PAX2: variants seen among roughly 807,000 people sequenced by gnomAD.
PAX2 encodes the protein paired box 2, also known as paired box protein Pax-2.
PAX2 carries 9 observed loss-of-function variants against 41.7 expected under a neutral mutation model. The ratio of observed to expected loss-of-function variants is 0.22; its 90% CI spans 0.13 to 0.38. The LOEUF (loss-of-function observed/expected upper bound fraction) is 0.38, where lower values mean the gene tolerates loss of function less well. Ranked by LOEUF, PAX2 falls within the 10% of genes least tolerant of loss-of-function variation. The pLI is 1.00. For synonymous variants in PAX2, 221 were observed against 212.7 expected (o/e 1.04, Z -0.34); for missense variants, 418 against 531.6 (o/e 0.79, Z 2.10).
intron 5 of PAX2, among the ~76,000 whole-genome samples, chr10:100,793,059 T>C (rs776257690): frequency 3.3e-5 from 5 of 152,204 alleles, no homozygotes; most frequent in Non-Finnish European, 5.9e-5. Flanking sequence ...GCCTTGCTTG[T>C]GTCCTTTGAG....
rs1848517305 is a variant in PAX2 at position 100,825,457 on chromosome 10, G to T, written c.1021+708G>T. 3.9e-5 allele frequency among the ~76,000 whole-genome samples: 6 copies of T among 152,322 alleles called. No homozygotes were observed. In the South Asian group the frequency reaches 1.0e-3, roughly 26 times the overall value. On this transcript the variant is annotated intron_variant, in intron 8 of 9. Coordinates refer to ENST00000355243, the MANE Select transcript of PAX2 (RefSeq NM_000278.5). ...ACAGAGGCTGTATTTAAGGTCTGGT[G>T]ACTGCAGCTGGAGGTTGTACTATAC...
rs968163973 is a variant in PAX2 at position 100,812,018 on chromosome 10, C to G, written c.919+2782C>G. ...ACTTGATGCAGCTATTCCACAAGGT[C>G]AGGACTGAGAGGAGAGAGGAACCTA... is the stretch of plus-strand genomic sequence containing the variant. On this transcript the variant is annotated intron_variant, in intron 7 of 9. Transcript: ENST00000355243. Among the ~76,000 whole-genome samples the G allele has an allele frequency of 2.0e-5, 3 of 152,220 alleles. No individual in the cohort carries two copies. In the East Asian group the frequency reaches 5.8e-4, roughly 29 times the overall value.
At chr10:100,780,029 T>C (rs1846549654) in intron 4 of PAX2, among the ~76,000 whole-genome samples, 1 of 152,132 alleles carries the variant, frequency 6.6e-6, no homozygotes, top group African/African-American at 2.4e-5. Context: ...CTTAACATTG[T>C]CCTCTGTCTT....
At position 100,746,036 on chromosome 10, in the gene PAX2, A is replaced by C; in HGVS notation, c.-225A>C. ...TGACCGCCCAGCCCCGAGCCCCGAC[A>C]GTGGCAAGTTGCGGCTACTGCAGTT... On this transcript the variant is annotated 5_prime_UTR_variant, in exon 1 of 10. Coordinates refer to ENST00000355243, the MANE Select transcript of PAX2 (RefSeq NM_000278.5). 3 of 1,434,610 alleles carry C rather than the reference A, an allele frequency of 2.1e-6. No individual in the cohort carries two copies. The highest frequency in any genetic ancestry group is 2.8e-5 in the Admixed American group (1 of 35,270). The allele number at this position is 1,434,610 out of a possible 1,614,324, so 88.9% of individuals were successfully genotyped here.
chr10:100,787,037 G>T (rs185978228), intron 5 of PAX2: 19 of 1,317,106 alleles, frequency 1.4e-5, no homozygotes, highest in Non-Finnish European at 2.0e-5. Context: ...GGAACATGGC[G>T]TGGGGGTCAA....
At chr10:100,781,450 C>G (rs1236476283) in intron 5 of PAX2, 85 bp downstream of exon 5, 1 of 1,408,608 alleles carries the variant, frequency 7.1e-7, no homozygotes, top group African/African-American at 1.4e-5. Flanking sequence ...GGCCTCGCAG[C>G]TGCTCTGCTG....
At position 100,748,887 on chromosome 10, in the gene PAX2, C is replaced by T; in HGVS notation, c.44-859C>T. 1.0e-6 allele frequency: 1 copy of T among 985,448 alleles called. No individual in the cohort carries two copies. Among genetic ancestry groups the T allele is most frequent in the South Asian group, 4.7e-5 (1 of 21,284 alleles). The allele number at this position is 985,448 out of a possible 1,614,324, so 61.0% of individuals were successfully genotyped here. A position where few individuals can be genotyped will look rare whatever the true frequency, so the allele number is the denominator to read the frequency against. The stretch of plus-strand genomic sequence containing the variant: ...TATTAACTCGCCAGCGAGGCCTATG[C>T]CGTGCCACCTGGGCGAGACGGTGGG... On this transcript the variant is annotated intron_variant, in intron 1 of 9. Transcript: ENST00000355243. This position sits in a 1 kb window ranked among gnomAD's most constrained non-coding sequence, Gnocchi z 5.0.
At chr10:100,761,412 T>C (rs1845841459) in intron 3 of PAX2, among the ~76,000 whole-genome samples, 1 of 152,096 alleles carries the variant, frequency 6.6e-6, no homozygotes, top group South Asian at 2.1e-4. Flanking sequence ...ATCAGGTCAC[T>C]CCTGGCCCCA....
chr10:100,775,424 C>T (rs1364353827), intron 3 of PAX2, among the ~76,000 whole-genome samples: 10 of 152,084 alleles, frequency 6.6e-5, no homozygotes, highest in Admixed American at 6.5e-4. Context: ...GAGATCAGCT[C>T]TAGGGACTGG....
rs995623191 is a variant in PAX2 at position 100,748,712 on chromosome 10, G to T, written c.44-1034G>T. 12 of 985,504 alleles carry T rather than the reference G, an allele frequency of 1.2e-5. No individual in the cohort carries two copies. The highest frequency in any genetic ancestry group is 1.4e-5 in the Non-Finnish European group (12 of 829,972). The allele number at this position is 985,504 out of a possible 1,614,324, so 61.0% of individuals were successfully genotyped here. The stretch of plus-strand genomic sequence containing the variant: ...CTCGGTTCCGAGATCGGGAGCCCGC[G>T]CTGGAGCCGGGTTGGAAACCCCGTG... On this transcript the variant is annotated intron_variant, in intron 1 of 9. Transcript: ENST00000355243. The surrounding 1 kb of genome is among the most constrained non-coding windows in gnomAD (Gnocchi z 5.0).
intron 6 of PAX2, among the ~76,000 whole-genome samples, chr10:100,808,602 C>T (rs1159105471): frequency 1.3e-5 from 2 of 152,070 alleles, no homozygotes; most frequent in African/African-American, 4.8e-5. Context: ...CAATTTCATA[C>T]CCCAGTGCAC....
Position 100,769,905 on chromosome 10 carries a change from G to A in PAX2, c.411-9593G>A, listed in dbSNP as rs535175117. Among the ~76,000 whole-genome samples, 121 of 152,270 alleles carry A rather than the reference G, an allele frequency of 7.9e-4. 1 individual carries two copies. Among genetic ancestry groups the A allele is most frequent in the African/African-American group, 2.7e-3 (114 of 41,546 alleles). On this transcript the variant is annotated intron_variant, in intron 3 of 9. Transcript: ENST00000355243. ...AAAACAAGGTTTCAGCTCTGTGTTA[G>A]ACCCTGAGAGGAAGAGGGAAACAGA...
At chr10:100,777,401 T>TA (rs1846435788) in intron 3 of PAX2, among the ~76,000 whole-genome samples, 1 of 148,032 alleles carries the variant, frequency 6.8e-6, no homozygotes, top group African/African-American at 2.5e-5. Flanking sequence ...ATCTGGCCTT[T>TA]TTTTTTTTTT....
intron 1 of PAX2, chr10:100,749,170 A>G: frequency 1.0e-6 from 1 of 985,980 alleles, no homozygotes; most frequent in Non-Finnish European, 1.2e-6. Context: ...AATTCCGATT[A>G]CAATTTAATA....
intron 5 of PAX2, among the ~76,000 whole-genome samples, chr10:100,803,920 G>C (rs1847661526): frequency 6.6e-6 from 1 of 152,204 alleles, no homozygotes; most frequent in African/African-American, 2.4e-5. Context: ...AGGTCAGTGA[G>C]TGGAGGGAGC....
At chr10:100,761,716 T>A in intron 3 of PAX2, among the ~76,000 whole-genome samples, 1 of 151,942 alleles carries the variant, frequency 6.6e-6, no homozygotes, top group East Asian at 1.9e-4. Flanking sequence ...AGGAGTGGAG[T>A]GATGGGCTGG....
chr10:100,739,667 C>T (rs1372645317), intron 1 of PAX2, among the ~76,000 whole-genome samples: 1 of 152,332 alleles, frequency 6.6e-6, no homozygotes. Context: ...GCTCTCCGTT[C>T]CCTTTCGGCC....
chr10:100,792,100 A>G (rs1847140394), intron 5 of PAX2, among the ~76,000 whole-genome samples: 2 of 152,218 alleles, frequency 1.3e-5, no homozygotes, highest in African/African-American at 4.8e-5. Context: ...GAAGATAATT[A>G]TTGGAGTCTT....
chr10:100,735,646 G>A, exon 1 of PAX2: 1 of 1,058,492 alleles, frequency 9.4e-7, no homozygotes, highest in African/African-American at 1.6e-5. Context: ...CGCGTTGTCG[G>A]GCCGCGGAGG....
Sources: allele counts gnomAD v4.1 joint callset (sites outside exome capture counted in the v4.1 genomes callset), GRCh38; gene constraint gnomAD v4.1.1; non-coding constraint Gnocchi (gnomAD v3.1); transcripts MANE v1.5; gene names NCBI Gene and HGNC (gene_info 2026-07-23, HGNC 2026-07-21).